LOC112694756: variants seen among roughly 807,000 people sequenced by gnomAD.
chr16:30,060,394 G>A, the LOC112694756 span, among the ~76,000 whole-genome samples: 1 of 152,034 alleles, frequency 6.6e-6, no homozygotes, highest in East Asian at 1.9e-4. Context: ...CCATCTATAC[G>A]ATGATGGCTG....
At chr16:30,069,197 C>T in the LOC112694756 span, 1 of 1,408,894 alleles carries the variant, frequency 7.1e-7, no homozygotes, top group South Asian at 1.2e-5. Context: ...GCTTTGAAGC[C>T]TGAGTCCCTG....
At chr16:30,064,365 A>T in the LOC112694756 span, 2 of 398,698 alleles carry the variant, frequency 5.0e-6, no homozygotes, top group Non-Finnish European at 8.8e-6. Context: ...AGAAGGAGCC[A>T]GGGAGGGTGG....
At chr16:30,068,142 G>A in the LOC112694756 span, 7 of 254,526 alleles carry the variant, frequency 2.8e-5, no homozygotes, top group South Asian at 7.9e-5. Flanking sequence ...TTGGCTCACT[G>A]CAAGTTCCGC....
the LOC112694756 span, chr16:30,069,256 G>T: frequency 9.5e-6 from 15 of 1,585,536 alleles, no homozygotes; most frequent in Non-Finnish European, 1.3e-5. Flanking sequence ...AGATGTAGGT[G>T]GGACTCTGGG....
chr16:30,055,496 C>T, the LOC112694756 span, among the ~76,000 whole-genome samples: 1 of 152,132 alleles, frequency 6.6e-6, no homozygotes, highest in African/African-American at 2.4e-5. Flanking sequence ...CAGATAATGC[C>T]TGGTGATGAA....
At chr16:30,056,855 C>T in the LOC112694756 span, among the ~76,000 whole-genome samples, 1 of 151,588 alleles carries the variant, frequency 6.6e-6, no homozygotes, top group African/African-American at 2.4e-5. Context: ...CCATCCTCAG[C>T]CTCCCAAAGT....
At chr16:30,065,558 G>C in the LOC112694756 span, 3 of 152,352 alleles carry the variant, frequency 2.0e-5, no homozygotes, top group East Asian at 1.9e-4. Flanking sequence ...GATGTGGTCC[G>C]AGTCACGTCC....
the LOC112694756 span, chr16:30,070,071 G>T: frequency 6.2e-7 from 1 of 1,613,596 alleles, no homozygotes; most frequent in Non-Finnish European, 8.5e-7. Flanking sequence ...TGGGTGGATG[G>T]GACTCGGAGA....
chr16:30,069,294 C>T, the LOC112694756 span: 125 of 1,613,994 alleles, frequency 7.7e-5, no homozygotes, highest in Non-Finnish European at 1.0e-4. Context: ...GACCCTGTCC[C>T]TCGCCCTGCA....
At chr16:30,069,406 C>T in the LOC112694756 span, 2 of 1,614,148 alleles carry the variant, frequency 1.2e-6, no homozygotes, top group Admixed American at 1.7e-5. Context: ...GGCTACCTGC[C>T]TGACCAGTGC....
chr16:30,054,956 G>T, the LOC112694756 span: 1 of 398,976 alleles, frequency 2.5e-6, no homozygotes, highest in South Asian at 1.3e-4. Context: ...GATAAAGGGT[G>T]GGCTCTGGGG....
the LOC112694756 span, chr16:30,059,059 G>A: frequency 2.5e-6 from 1 of 398,478 alleles, no homozygotes; most frequent in East Asian, 3.6e-5. Context: ...AGCAGGTATA[G>A]GACTTAAAAG....
the LOC112694756 span, chr16:30,066,158 C>T: frequency 1.3e-5 from 2 of 152,366 alleles, no homozygotes; most frequent in Admixed American, 1.3e-4. Context: ...AGATGAAGGA[C>T]CATTCTCCCC....
chr16:30,058,689 A>G, the LOC112694756 span, among the ~76,000 whole-genome samples: 144 of 151,896 alleles, frequency 9.5e-4, 2 homozygotes, highest in South Asian at 1.0e-3. Context: ...GTTTCGTGTT[A>G]GCCAGGATGG....
chr16:30,066,786 C>T, the LOC112694756 span: 1 of 1,366,566 alleles, frequency 7.3e-7, no homozygotes, highest in Non-Finnish European at 9.9e-7. Flanking sequence ...AAGCACAGAC[C>T]TTTCCCATAT....
At chr16:30,068,353 C>A in the LOC112694756 span, 1 of 413,452 alleles carries the variant, frequency 2.4e-6, no homozygotes, top group Non-Finnish European at 4.6e-6. Context: ...CGTGAGCCAC[C>A]ATGCCCGGCT....
the LOC112694756 span, chr16:30,068,717 TC>T: frequency 6.2e-7 from 1 of 1,614,216 alleles, no homozygotes; most frequent in Non-Finnish European, 8.5e-7. Flanking sequence ...ACTGTTTGAT[TC>T]TCTGCCCTAC....
At chr16:30,069,288 C>G in the LOC112694756 span, 1 of 1,613,992 alleles carries the variant, frequency 6.2e-7, no homozygotes. Flanking sequence ...CACAGTGACC[C>G]TGTCCCTCGC....
the LOC112694756 span, among the ~76,000 whole-genome samples, chr16:30,057,669 G>A: frequency 1.3e-5 from 2 of 152,094 alleles, no homozygotes; most frequent in East Asian, 1.9e-4. Flanking sequence ...GGCAAGGAGC[G>A]CTTTTTCAGA....
Sources: allele counts gnomAD v4.1 joint callset (sites outside exome capture counted in the v4.1 genomes callset), GRCh38; gene constraint gnomAD v4.1.1; transcripts MANE v1.5.